Variants in PRMT8 observed in about 807,000 individuals in gnomAD.
The protein encoded by PRMT8 is protein arginine N-methyltransferase 8.
Under a neutral mutation model 47.1 loss-of-function variants are expected in PRMT8, and 7 were observed. The observed-to-expected ratio is 0.15, with a 90% CI of 0.08 to 0.28. The LOEUF (loss-of-function observed/expected upper bound fraction) is 0.28. PRMT8 is among the 10% of genes least tolerant of loss of function. The probability of loss-of-function intolerance (pLI) is 1.00; values close to 1 mark genes in which losing one functional copy is unlikely to be tolerated. For synonymous variants in PRMT8, 188 were observed against 186.5 expected (o/e 1.01, Z -0.07); for missense variants, 237 against 505.4 (o/e 0.47, Z 5.09).
chr12:3,452,702 C>T (rs1864933168), intron 1 of PRMT8, among the ~76,000 whole-genome samples: 1 of 152,190 alleles, frequency 6.6e-6, no homozygotes, highest in African/African-American at 2.4e-5. Flanking sequence ...TGGGCCTCTT[C>T]CCAGGACTTC....
At position 3,569,619 on chromosome 12, in the gene PRMT8, G is replaced by T; in HGVS notation, c.712+55G>T. The T allele has an allele frequency of 2.8e-6, 4 of 1,410,112 alleles. No individual in the cohort carries two copies. Among genetic ancestry groups the T allele is most frequent in the Non-Finnish European group, 4.0e-6 (4 of 994,214 alleles). 87.3% of individuals were successfully genotyped at this position (1,410,112 alleles called of 1,614,324 possible). On this transcript the variant is annotated intron_variant, in intron 6 of 9. Transcript: ENST00000382622. The surrounding 1 kb of genome is among the most constrained non-coding windows in gnomAD (Gnocchi z 8.2). ...TTCCACTGCACAATTGGGGTGGGAGGCACTCCAGTGGGCCCGAGATGAGCA... is the reference window on the plus strand; with the variant it reads ...TTCCACTGCACAATTGGGGTGGGAGTCACTCCAGTGGGCCCGAGATGAGCA...
At chr12:3,396,413 A>G (rs1055969598) in intron 1 of PRMT8, among the ~76,000 whole-genome samples, 12 of 152,104 alleles carry the variant, frequency 7.9e-5, no homozygotes, top group South Asian at 2.1e-4. Flanking sequence ...GCCTGGTGGT[A>G]ACAAAATCTC....
In PRMT8 at chr12:3,593,188, G is replaced by A. The variant is rs201685779; in HGVS notation, c.*6G>A. The A allele has an allele frequency of 4.4e-5, 71 of 1,611,364 alleles. No individual in the cohort carries two copies. The highest frequency in any genetic ancestry group is 1.1e-4 in the African/African-American group (8 of 74,992). On this transcript the variant is annotated 3_prime_UTR_variant, in exon 10 of 10. Coordinates refer to ENST00000382622, the MANE Select transcript of PRMT8 (RefSeq NM_019854.5). This position sits in a 1 kb window ranked among gnomAD's most constrained non-coding sequence, Gnocchi z 4.8. ...ATGACTACAAAATGCGTTAGCACAC[G>A]TGGGAAGCTGCAGAGAGCAACGAGA...
intron 1 of PRMT8, among the ~76,000 whole-genome samples, chr12:3,534,560 G>T (rs1248466630): frequency 2.0e-5 from 3 of 152,122 alleles, no homozygotes; most frequent in Non-Finnish European, 4.4e-5. Flanking sequence ...TTCCTTCTGT[G>T]GGCCTCAGTC....
At chr12:3,391,245 A>G (rs1864190019) in intron 1 of PRMT8, among the ~76,000 whole-genome samples, 7 of 152,226 alleles carry the variant, frequency 4.6e-5, no homozygotes, top group Admixed American at 4.6e-4. Flanking sequence ...AATCCACTGG[A>G]GGGGAAAACC....
chr12:3,581,224 C>A (rs941486391), intron 7 of PRMT8, among the ~76,000 whole-genome samples: 1 of 152,012 alleles, frequency 6.6e-6, no homozygotes, highest in South Asian at 2.1e-4. Context: ...GGGTGATGAG[C>A]GGTCAGACAT....
chr12:3,439,821 TC>T (rs1349818765), intron 1 of PRMT8, among the ~76,000 whole-genome samples: 1 of 152,208 alleles, frequency 6.6e-6, no homozygotes, highest in African/African-American at 2.4e-5. Flanking sequence ...ACCCATTTGC[TC>T]TACTGTGTGT....
At chr12:3,405,855 T>C (rs1864367924) in intron 1 of PRMT8, among the ~76,000 whole-genome samples, 1 of 152,212 alleles carries the variant, frequency 6.6e-6, no homozygotes, top group South Asian at 2.1e-4. Context: ...GTGTAAGCTG[T>C]TGGTGAAGTA....
At position 3,570,414 on chromosome 12, in the gene PRMT8, A is replaced by G. The variant is rs114016022; in HGVS notation, c.712+850A>G. 7.6e-4 allele frequency among the ~76,000 whole-genome samples: 116 copies of G among 152,330 alleles called. No homozygotes were observed. Among genetic ancestry groups the G allele is most frequent in the African/African-American group, 2.5e-3 (105 of 41,584 alleles). On this transcript the variant is annotated intron_variant, in intron 6 of 9. Transcript: ENST00000382622. The surrounding 1 kb of genome is among the most constrained non-coding windows in gnomAD (Gnocchi z 5.5). ...CAAAGGAGCAAAGAACCCCTCAAAC[A>G]GGCAAACACCCAAAAATCCAAATTA...
In PRMT8 at chr12:3,540,612, A is replaced by AGCCCCCCCCC; in HGVS notation, c.90_91insCCGCCCCCCC (p.Ser31ProfsTer14). 8.8e-7 allele frequency: 1 copy of AGCCCCCCCCC among 1,131,134 alleles called. No individual in the cohort carries two copies. The highest frequency in any genetic ancestry group is 1.3e-6 in the Non-Finnish European group (1 of 749,220). The allele number at this position is 1,131,134 out of a possible 1,614,324, so 70.1% of individuals were successfully genotyped here. A position where few individuals can be genotyped will look rare whatever the true frequency, so the allele number is the denominator to read the frequency against. On this transcript the variant is annotated frameshift_variant, in exon 2 of 10. Transcript: ENST00000382622. LOFTEE classifies it high-confidence loss of function. ...CCCCTTCTCTTCCCCTCAGGTGAACAGCCCCCCCTCCCAGCCCCCCCAGCC... is the reference window on the plus strand; with the variant it reads ...CCCCTTCTCTTCCCCTCAGGTGAACAGCCCCCCCCCGCCCCCCCTCCCAGCCCCCCCAGCC...
chr12:3,522,394 G>A (rs766636701), intron 1 of PRMT8, among the ~76,000 whole-genome samples: 5 of 152,082 alleles, frequency 3.3e-5, no homozygotes, highest in Admixed American at 6.5e-5. Context: ...GGCCGGGCGC[G>A]GTGGCTCACA....
intron 1 of PRMT8, among the ~76,000 whole-genome samples, chr12:3,523,369 T>C (rs61907695): frequency 0.28 from 43,113 of 152,002 alleles, 7,489 homozygotes; most frequent in South Asian, 0.46. Context: ...ACCAGGAAGC[T>C]TGGAGGTATG....
intron 3 of PRMT8, chr12:3,551,036 C>T (rs1356116807): frequency 6.6e-6 from 1 of 152,248 alleles, no homozygotes; most frequent in Non-Finnish European, 1.5e-5. Flanking sequence ...GTCTTTGCTC[C>T]CATGCATTTG....
chr12:3,586,428 T>C (rs1031858139), intron 8 of PRMT8, among the ~76,000 whole-genome samples: 4 of 152,230 alleles, frequency 2.6e-5, no homozygotes, highest in Admixed American at 2.6e-4. Context: ...TACTCCTCTT[T>C]TTGCAATTAT....
At chr12:3,419,242 A>T (rs1864514998) in intron 1 of PRMT8, among the ~76,000 whole-genome samples, 1 of 152,172 alleles carries the variant, frequency 6.6e-6, no homozygotes, top group African/African-American at 2.4e-5. Context: ...TTGTGCTGCT[A>T]CCTGCCAGGG....
At chr12:3,396,791 A>G (rs1240964244) in intron 1 of PRMT8, among the ~76,000 whole-genome samples, 10 of 152,058 alleles carry the variant, frequency 6.6e-5, no homozygotes, top group Non-Finnish European at 5.9e-5. Context: ...TCTCCTGGAT[A>G]ATATCCTGCA....
At chr12:3,454,746 G>A (rs959571132) in intron 1 of PRMT8, among the ~76,000 whole-genome samples, 1 of 152,102 alleles carries the variant, frequency 6.6e-6, no homozygotes, top group Non-Finnish European at 1.5e-5. Context: ...GTCGGCCTGC[G>A]CTCCCACCTG....
rs976695143 is a variant in PRMT8 at position 3,586,671 on chromosome 12, T to C, written c.979+3463T>C. Among the ~76,000 whole-genome samples, 10 of 152,174 alleles carry C rather than the reference T, an allele frequency of 6.6e-5. 1 individual carries two copies. The highest frequency in any genetic ancestry group is 5.9e-4 in the Admixed American group (9 of 15,278). Reference sequence around the variant, plus strand: ...TGGGGGTGGGGGCCAGCCGTCTGTGTCTTAACAAGACCTCCAGGTGATTGC... The same window carrying C: ...TGGGGGTGGGGGCCAGCCGTCTGTGCCTTAACAAGACCTCCAGGTGATTGC... On this transcript the variant is annotated intron_variant, in intron 8 of 9. Coordinates refer to ENST00000382622, the MANE Select transcript of PRMT8 (RefSeq NM_019854.5).
At chr12:3,452,344 C>T (rs1170614000) in intron 1 of PRMT8, among the ~76,000 whole-genome samples, 2 of 152,172 alleles carry the variant, frequency 1.3e-5, no homozygotes, top group Non-Finnish European at 2.9e-5. Context: ...CATACACACA[C>T]ACACACCCCA....
Sources: allele counts gnomAD v4.1 joint callset (sites outside exome capture counted in the v4.1 genomes callset), GRCh38; gene constraint gnomAD v4.1.1; non-coding constraint Gnocchi (gnomAD v3.1); transcripts MANE v1.5; gene names NCBI Gene and HGNC (gene_info 2026-07-23, HGNC 2026-07-21).